SMURF1: variants seen among roughly 807,000 people sequenced by gnomAD.
The protein encoded by SMURF1 is E3 ubiquitin-protein ligase SMURF1.
SMURF1 carries 44 observed loss-of-function variants against 98.0 expected under a neutral mutation model. That is an observed-to-expected ratio of 0.45 (90% CI 0.35 to 0.58). SMURF1 has a LOEUF of 0.58. Among genes scored for constraint, SMURF1 ranks in the 20% least tolerant of loss-of-function variants. SMURF1 has a pLI of 0.00. For missense variants in SMURF1, 687 were observed against 938.4 expected (o/e 0.73, Z 3.50); for synonymous variants, 396 against 374.9 (o/e 1.06, Z -0.65).
intron 1 of SMURF1, among the ~76,000 whole-genome samples, chr7:99,092,532 G>T (rs73399262): frequency 0.031 from 4,786 of 152,236 alleles, 253 homozygotes; most frequent in African/African-American, 0.11. Flanking sequence ...GCAACAACGC[G>T]CCTTCTCGTT....
At chr7:99,142,439 T>C (rs1441873404) in intron 1 of SMURF1, among the ~76,000 whole-genome samples, 1 of 151,490 alleles carries the variant, frequency 6.6e-6, no homozygotes, top group Non-Finnish European at 1.5e-5. Flanking sequence ...AGACTGAGAC[T>C]GAAGAGGGCT....
intron 1 of SMURF1, 32 bp downstream of exon 1, chr7:99,143,694 C>T (rs370925965): frequency 3.3e-6 from 5 of 1,531,384 alleles, no homozygotes; most frequent in South Asian, 2.4e-5. Flanking sequence ...GAGGGGGCGC[C>T]GGGGCGCGGG....
chr7:99,075,478 A>G (rs543057194), intron 1 of SMURF1, among the ~76,000 whole-genome samples: 1 of 152,300 alleles, frequency 6.6e-6, no homozygotes, highest in South Asian at 2.1e-4. Flanking sequence ...ATAGGTGACA[A>G]CCTTTGATTT....
intron 14 of SMURF1, among the ~76,000 whole-genome samples, chr7:99,037,391 C>T (rs988810884): frequency 3.3e-5 from 5 of 152,168 alleles, no homozygotes; most frequent in Non-Finnish European, 7.3e-5. Flanking sequence ...GCACCCACCA[C>T]CACACCTGGC....
intron 1 of SMURF1, among the ~76,000 whole-genome samples, chr7:99,071,481 CTG>C (rs1212709722): frequency 6.6e-6 from 1 of 152,152 alleles, no homozygotes; most frequent in Admixed American, 6.5e-5. Context: ...AAACCGGTAA[CTG>C]GGGATCACTC....
intron 1 of SMURF1, among the ~76,000 whole-genome samples, chr7:99,116,939 A>T (rs1797469492): frequency 6.6e-6 from 1 of 152,254 alleles, no homozygotes; most frequent in Non-Finnish European, 1.5e-5. Context: ...TTCCTATTTT[A>T]AAACTTACTA....
At chr7:99,138,333 T>C (rs1188675476) in intron 1 of SMURF1, among the ~76,000 whole-genome samples, 2 of 152,224 alleles carry the variant, frequency 1.3e-5, no homozygotes, top group Non-Finnish European at 2.9e-5. Context: ...GTGCCCACGA[T>C]GTTGTACAAA....
intron 1 of SMURF1, among the ~76,000 whole-genome samples, chr7:99,083,572 T>C (rs539101993): frequency 6.6e-6 from 1 of 152,362 alleles, no homozygotes; most frequent in African/African-American, 2.4e-5. Flanking sequence ...AACTACAATC[T>C]TGGGCAATGA....
chr7:99,035,717 C>G lies in SMURF1; in HGVS notation c.1810-1G>C, dbSNP rs1387693362. The G allele has an allele frequency of 6.2e-7, 1 of 1,613,666 alleles. No homozygotes were observed. The highest frequency in any genetic ancestry group is 1.7e-5 in the Admixed American group (1 of 59,990). On this transcript the variant is annotated splice_acceptor_variant, in intron 15 of 17. Transcript: ENST00000361368. LOFTEE classifies it high-confidence loss of function. Reference sequence around the variant, plus strand: ...TTTTATCCAGGCCGCCTATGATCAGCTGAGGAGGTGCAGAAAGGTGAATTA... The same window carrying G: ...TTTTATCCAGGCCGCCTATGATCAGGTGAGGAGGTGCAGAAAGGTGAATTA...
chr7:99,073,549 G>A lies in SMURF1; in HGVS notation c.56-11712C>T, dbSNP rs557049424. Reference sequence around the variant, plus strand: ...GGAGGCCAAGGCAGGTGGATCACATGAGGTCAGGAGTTCGAGACCAGCCTG... The same window carrying A: ...GGAGGCCAAGGCAGGTGGATCACATAAGGTCAGGAGTTCGAGACCAGCCTG... On this transcript the variant is annotated intron_variant, in intron 1 of 17. Coordinates refer to ENST00000361368, the MANE Select transcript of SMURF1 (RefSeq NM_181349.3). Among the ~76,000 whole-genome samples the A allele has an allele frequency of 5.2e-4, 78 of 149,050 alleles. 1 individual carries two copies. The highest frequency in any genetic ancestry group is 1.8e-3 in the African/African-American group (74 of 40,574).
intron 16 of SMURF1, 176 bp downstream of exon 16, chr7:99,035,339 A>C (rs572301397): frequency 3.7e-6 from 3 of 812,362 alleles, no homozygotes; most frequent in Non-Finnish European, 5.7e-6. Context: ...ACCTGCTCAC[A>C]CACGGCCCCT....
In SMURF1 at chr7:99,029,648, G is replaced by GTTAGT. The variant is rs1364326040; in HGVS notation, c.*931_*935dup. ...CCAGCAGCTATGATGACACAATTTTGTTAGTTTAGCTCTTAGCAGTTGCTG... is the reference window on the plus strand; with the variant it reads ...CCAGCAGCTATGATGACACAATTTTGTTAGTTTAGTTTAGCTCTTAGCAGTTGCTG... On this transcript the variant is annotated 3_prime_UTR_variant, in exon 18 of 18. Transcript: ENST00000361368. 6.6e-6 allele frequency: 1 copy of GTTAGT among 152,172 alleles called. No homozygotes were observed. Among genetic ancestry groups the GTTAGT allele is most frequent in the Non-Finnish European group, 1.5e-5 (1 of 68,028 alleles). 9.4% of individuals were successfully genotyped at this position (152,172 alleles called of 1,614,324 possible).
chr7:99,102,750 A>G (rs1797110609), intron 1 of SMURF1, among the ~76,000 whole-genome samples: 1 of 152,244 alleles, frequency 6.6e-6, no homozygotes, highest in South Asian at 2.1e-4. Context: ...AAGCATCAAC[A>G]TTATTTGATT....
chr7:99,113,029 T>C (rs1563034093), intron 1 of SMURF1, among the ~76,000 whole-genome samples: 1 of 152,038 alleles, frequency 6.6e-6, no homozygotes, highest in Non-Finnish European at 1.5e-5. Flanking sequence ...CTAAGAAGTC[T>C]GTGGAATACC....
At chr7:99,056,943 A>C (rs4727425) in intron 5 of SMURF1, among the ~76,000 whole-genome samples, 95,586 of 143,502 alleles carry the variant, frequency 0.67, 33,397 homozygotes, top group African/African-American at 0.91. Context: ...GCGGAGGTTG[A>C]GGTGAGCTGA....
At chr7:99,056,831 C>T (rs1164743749) in intron 5 of SMURF1, among the ~76,000 whole-genome samples, 4 of 151,974 alleles carry the variant, frequency 2.6e-5, no homozygotes, top group East Asian at 1.9e-4. Context: ...GGTGAAACTC[C>T]GCCTCTACTA....
chr7:99,059,222 AC>A (rs1795959474), intron 3 of SMURF1, among the ~76,000 whole-genome samples: 1 of 150,150 alleles, frequency 6.7e-6, no homozygotes. Flanking sequence ...AAACGGTGAA[AC>A]CCCGTCTCTA....
At chr7:99,059,408 AAAATAAAATAAAATAAAAT>A (rs1563010550) in intron 3 of SMURF1, among the ~76,000 whole-genome samples, 1,258 of 92,226 alleles carry the variant, frequency 0.014, 67 homozygotes, top group African/African-American at 0.038. Context: ...AAAAAAAAAT[AAAATAAAATAAAATAAAAT>A]AAAATAAAAT....
At position 99,130,134 on chromosome 7, in the gene SMURF1, T is replaced by C. The variant is rs115424028; in HGVS notation, c.55+13592A>G. On this transcript the variant is annotated intron_variant, in intron 1 of 17. Coordinates refer to ENST00000361368, the MANE Select transcript of SMURF1 (RefSeq NM_181349.3). ...ATAATTTAAGAATGTATTCCTATAA[T>C]CTGTACCTGAATTTTGTTTAAAAAT... is the stretch of plus-strand genomic sequence containing the variant. Among the ~76,000 whole-genome samples the C allele has an allele frequency of 3.4e-3, 512 of 152,336 alleles. 2 individuals carry two copies. Among genetic ancestry groups the C allele is most frequent in the African/African-American group, 0.012 (492 of 41,576 alleles).
Sources: allele counts gnomAD v4.1 joint callset (sites outside exome capture counted in the v4.1 genomes callset), GRCh38; gene constraint gnomAD v4.1.1; transcripts MANE v1.5; gene names NCBI Gene and HGNC (gene_info 2026-07-23, HGNC 2026-07-21).